Variants in VPS53 observed in about 807,000 individuals in gnomAD.
VPS53 encodes the protein VPS53 subunit of GARP complex, also known as vacuolar protein sorting-associated protein 53 homolog.
VPS53 carries 70 observed loss-of-function variants against 107.0 expected under a neutral mutation model. The observed-to-expected ratio is 0.65, with a 90% confidence interval of 0.54 to 0.80. The LOEUF (loss-of-function observed/expected upper bound fraction) is 0.80. VPS53 is among the 30% of genes least tolerant of loss of function. The pLI, the probability that VPS53 is intolerant of heterozygous loss-of-function variation, is 0.00. For missense variants in VPS53, 917 were observed against 1,049.4 expected, an observed-to-expected ratio of 0.87 and a Z score of 1.74; for synonymous variants, 409 against 393.3, an observed-to-expected ratio of 1.04 and a Z score of -0.47.
chr17:571,960 G>A (rs550518066), intron 13 of VPS53, among the ~76,000 whole-genome samples: 332 of 152,018 alleles, frequency 2.2e-3, no homozygotes, highest in African/African-American at 7.5e-3. Flanking sequence ...CTGCCCGGCC[G>A]CCACCCCGTC....
chr17:537,365 C>T (rs764771277), intron 17 of VPS53, 189 bp from the exon 18 acceptor site: 17 of 634,350 alleles, frequency 2.7e-5, no homozygotes, highest in Non-Finnish European at 3.2e-5. Context: ...GCGAGTGTGC[C>T]CAGCGGACCC....
In VPS53 at chr17:532,731, CAG is replaced by C. The variant is rs1166070402; in HGVS notation, c.2085+109_2085+110del. The C allele has an allele frequency of 2.6e-5, 39 of 1,515,046 alleles. 1 individual carries two copies. The East Asian group carries it at 7.6e-4, about 30-fold the overall frequency. 93.9% of individuals were successfully genotyped at this position (1,515,046 alleles called of 1,614,324 possible). ...GGTGAGTCATTATACTGTCCCCAAA[CAG>C]GGGACATCATCAATTTTATTCCTGC... On this transcript the variant is annotated intron_variant, in intron 19 of 21. Transcript: ENST00000437048.
At chr17:578,526 G>A (rs572122003) in intron 13 of VPS53, among the ~76,000 whole-genome samples, 50 of 147,402 alleles carry the variant, frequency 3.4e-4, no homozygotes, top group Non-Finnish European at 5.0e-4. Context: ...AACCTAATGC[G>A]TTCCCAGAGA....
intron 11 of VPS53, among the ~76,000 whole-genome samples, chr17:613,331 A>AAT (rs1968982225): frequency 6.6e-6 from 1 of 151,372 alleles, no homozygotes; most frequent in South Asian, 2.1e-4. Context: ...AACCTGTACA[A>AAT]ATATTCACAT....
At chr17:572,631 TG>T (rs1914273202) in intron 13 of VPS53, among the ~76,000 whole-genome samples, 1 of 151,684 alleles carries the variant, frequency 6.6e-6, no homozygotes, top group Non-Finnish European at 1.5e-5. Context: ...ATGGTTGCCG[TG>T]TCTGTGTGGA....
chr17:542,744 C>T lies in VPS53; in HGVS notation c.1867-5568G>A, dbSNP rs1431605520. Among the ~76,000 whole-genome samples the T allele has an allele frequency of 3.3e-5, 5 of 152,098 alleles. 1 individual carries two copies. The highest frequency in any genetic ancestry group is 4.2e-4 in the South Asian group (2 of 4,812). On this transcript the variant is annotated intron_variant, in intron 17 of 21. Transcript: ENST00000437048. ...CTGTAATCCCAGCAGTTTGGGAGGCCAAGGCAGGTGGATCACTTGAGGCCA... is the reference window on the plus strand; with the variant it reads ...CTGTAATCCCAGCAGTTTGGGAGGCTAAGGCAGGTGGATCACTTGAGGCCA...
intron 13 of VPS53, among the ~76,000 whole-genome samples, chr17:563,799 T>C (rs546083187): frequency 1.3e-5 from 2 of 152,332 alleles, no homozygotes; most frequent in East Asian, 3.9e-4. Flanking sequence ...GGTTATGATG[T>C]CAGCACATAT....
chr17:557,855 CTTTTTTTTTTT>C (rs773408955), intron 15 of VPS53, among the ~76,000 whole-genome samples: 12 of 125,602 alleles, frequency 9.6e-5, no homozygotes, highest in African/African-American at 2.0e-4. Flanking sequence ...TAAGGATTAT[CTTTTTTTTTTT>C]TTTTTTTTTT....
chr17:669,915 GTAA>G (rs1971867716), intron 4 of VPS53, among the ~76,000 whole-genome samples: 1 of 151,442 alleles, frequency 6.6e-6, no homozygotes, highest in African/African-American at 2.4e-5. Context: ...AGAAAAAAAA[GTAA>G]TAATAAAAAA....
At chr17:701,781 C>T (rs1415321879) in intron 2 of VPS53, among the ~76,000 whole-genome samples, 1 of 152,124 alleles carries the variant, frequency 6.6e-6, no homozygotes, top group Admixed American at 6.6e-5. Context: ...GGCTGGAGTG[C>T]AGTGGTGCAA....
At chr17:562,423 C>T in intron 14 of VPS53, 80 bp downstream of exon 14, 1 of 1,577,590 alleles carries the variant, frequency 6.3e-7, no homozygotes, top group Non-Finnish European at 8.7e-7. Flanking sequence ...GTTTAGTAAA[C>T]AACTTCAGAG....
chr17:553,638 T>A (rs1355840317), intron 15 of VPS53, among the ~76,000 whole-genome samples, 176 bp from the exon 16 acceptor site: 1 of 148,940 alleles, frequency 6.7e-6, no homozygotes, highest in Non-Finnish European at 1.5e-5. Context: ...TGGTGCGACC[T>A]CGGCTCACTG....
intron 13 of VPS53, among the ~76,000 whole-genome samples, chr17:581,330 C>T (rs1446950031): frequency 1.3e-5 from 2 of 151,814 alleles, no homozygotes; most frequent in African/African-American, 2.4e-5. Flanking sequence ...CTAATGGGTT[C>T]CCAGAGAACT....
intron 18 of VPS53, 95 bp from the exon 19 acceptor site, chr17:533,006 C>CT: frequency 6.6e-7 from 1 of 1,505,830 alleles, no homozygotes; most frequent in Non-Finnish European, 8.9e-7. Flanking sequence ...ATGAAAAAAC[C>CT]TTTTTTAATG....
At chr17:672,696 T>C (rs1421142142) in intron 4 of VPS53, among the ~76,000 whole-genome samples, 1 of 152,228 alleles carries the variant, frequency 6.6e-6, no homozygotes, top group Non-Finnish European at 1.5e-5. Context: ...AGTGAGTGCC[T>C]ATTACATGTA....
chr17:552,812 T>C (rs1911964816), intron 16 of VPS53: 1 of 313,678 alleles, frequency 3.2e-6, no homozygotes, highest in Non-Finnish European at 5.9e-6. Context: ...GGACTCATTC[T>C]GACCCAACAG....
intron 12 of VPS53, among the ~76,000 whole-genome samples, chr17:588,812 G>T (rs1180816399): frequency 6.6e-6 from 1 of 152,210 alleles, no homozygotes; most frequent in African/African-American, 2.4e-5. Flanking sequence ...TGTCCTGGGA[G>T]TTTTTCTGCA....
chr17:556,277 A>T (rs1912338688), intron 15 of VPS53, among the ~76,000 whole-genome samples: 1 of 152,106 alleles, frequency 6.6e-6, no homozygotes, highest in African/African-American at 2.4e-5. Flanking sequence ...GAGACCCCAT[A>T]TTAAACAAAA....
rs140137199 is a variant in VPS53, at chr17:516,911, C to T, written c.*2217G>A. 196 of 152,568 alleles carry T rather than the reference C, an allele frequency of 1.3e-3. No individual in the cohort carries two copies. Among genetic ancestry groups the T allele is most frequent in the African/African-American group, 4.0e-3 (166 of 41,614 alleles). 9.5% of individuals were successfully genotyped at this position (152,568 alleles called of 1,614,324 possible). ...TGCTGTGATGGAGCCGTCCGGAAAACGACTCCTCAACAATGAACCAAAAAG... is the reference window on the plus strand; with the variant it reads ...TGCTGTGATGGAGCCGTCCGGAAAATGACTCCTCAACAATGAACCAAAAAG... On this transcript the variant is annotated 3_prime_UTR_variant, in exon 22 of 22. Transcript: ENST00000437048.
Sources: allele counts gnomAD v4.1 joint callset (sites outside exome capture counted in the v4.1 genomes callset), GRCh38; gene constraint gnomAD v4.1.1; transcripts MANE v1.5; gene names NCBI Gene and HGNC (gene_info 2026-07-23, HGNC 2026-07-21).